TCF4: variants seen among roughly 807,000 people sequenced by gnomAD.
TCF4 encodes SL3-3 enhancer factor 2.
A neutral mutation model predicts 82.1 loss-of-function variants in TCF4; 3 were observed. That is an observed-to-expected ratio of 0.04 (90% CI 0.02 to 0.09). The LOEUF (loss-of-function observed/expected upper bound fraction) is 0.09. Ranked by LOEUF, TCF4 falls within the 10% of genes least tolerant of loss-of-function variation. The probability of loss-of-function intolerance (pLI) is 1.00; values close to 1 mark genes in which losing one functional copy is unlikely to be tolerated. For missense variants in TCF4, 518 were observed against 852.7 expected (o/e 0.61, Z 4.89); for synonymous variants, 276 against 309.6 (o/e 0.89, Z 1.14).
At chr18:55,387,111 AG>A (rs1347234215) in intron 6 of TCF4, among the ~76,000 whole-genome samples, 2 of 152,228 alleles carry the variant, frequency 1.3e-5, no homozygotes, top group Non-Finnish European at 2.9e-5. Context: ...ACCCTTTGAA[AG>A]TCAAAGGGTA....
intron 8 of TCF4, among the ~76,000 whole-genome samples, chr18:55,319,703 C>A (rs1469516909): frequency 1.3e-5 from 2 of 151,452 alleles, no homozygotes; most frequent in Non-Finnish European, 2.9e-5. Context: ...ATCTAACAAC[C>A]AAAATATTTG....
chr18:55,525,058 C>T (rs1219235062), intron 3 of TCF4, among the ~76,000 whole-genome samples: 2 of 152,062 alleles, frequency 1.3e-5, no homozygotes, highest in Admixed American at 1.3e-4. Flanking sequence ...AGCTACCCAC[C>T]ATATCCCCTT....
intron 2 of TCF4, among the ~76,000 whole-genome samples, chr18:55,606,231 G>A (rs1053198459): frequency 2.0e-5 from 3 of 152,182 alleles, no homozygotes; most frequent in Non-Finnish European, 4.4e-5. Context: ...GATGAGAGAA[G>A]ATGAGAGTAA....
chr18:55,514,647 T>C (rs2096863237), intron 3 of TCF4, among the ~76,000 whole-genome samples: 2 of 152,204 alleles, frequency 1.3e-5, no homozygotes, highest in African/African-American at 4.8e-5. Context: ...TTAAAGCCTC[T>C]TCCAAGGTGA....
intron 6 of TCF4, among the ~76,000 whole-genome samples, chr18:55,395,797 G>A (rs1157394356): frequency 6.6e-6 from 1 of 152,166 alleles, no homozygotes; most frequent in African/African-American, 2.4e-5. Flanking sequence ...TTAAGAAAGT[G>A]TTCACGCTGT....
At chr18:55,529,912 A>T (rs1258110266) in intron 3 of TCF4, among the ~76,000 whole-genome samples, 1 of 152,124 alleles carries the variant, frequency 6.6e-6, no homozygotes, top group Non-Finnish European at 1.5e-5. Flanking sequence ...CACATGTCCT[A>T]GAACTCAGAC....
intron 1 of TCF4, among the ~76,000 whole-genome samples, chr18:55,632,530 A>G (rs2097732603): frequency 6.6e-6 from 1 of 152,226 alleles, no homozygotes; most frequent in African/African-American, 2.4e-5. Flanking sequence ...GATGAATAAA[A>G]GCAAACCCAG....
chr18:55,269,786 C>CT, intron 11 of TCF4, 45 bp downstream of exon 11: 1 of 1,612,098 alleles, frequency 6.2e-7, no homozygotes, highest in Non-Finnish European at 8.5e-7. Context: ...TGATTAAACT[C>CT]TGACACCAAT....
chr18:55,407,189 C>T (rs1045305400), intron 5 of TCF4, among the ~76,000 whole-genome samples: 2 of 151,972 alleles, frequency 1.3e-5, no homozygotes, highest in African/African-American at 4.8e-5. Context: ...CTGCTGGTGA[C>T]GATTTGCCGT....
intron 13 of TCF4, among the ~76,000 whole-genome samples, chr18:55,258,387 C>T (rs2057348517): frequency 6.6e-6 from 1 of 152,118 alleles, no homozygotes; most frequent in South Asian, 2.1e-4. Context: ...GTTTCTGTGC[C>T]TTTCACTGAG....
intron 8 of TCF4, among the ~76,000 whole-genome samples, chr18:55,292,677 A>T (rs1217444521): frequency 6.9e-6 from 1 of 145,782 alleles, no homozygotes; most frequent in Admixed American, 6.8e-5. Flanking sequence ...GGAACTTCCT[A>T]ATCTATAAAT....
chr18:55,232,378 A>G (rs1003242045), intron 17 of TCF4, 131 bp downstream of exon 17: 1 of 930,198 alleles, frequency 1.1e-6, no homozygotes, highest in Non-Finnish European at 1.7e-6. Context: ...CTTCTAGAGT[A>G]GGCCTTTAAT....
At chr18:55,374,473 A>G (rs1196822350) in intron 6 of TCF4, among the ~76,000 whole-genome samples, 1 of 152,160 alleles carries the variant, frequency 6.6e-6, no homozygotes, top group Non-Finnish European at 1.5e-5. Flanking sequence ...TTTTTAAAAC[A>G]AGAGAAAGTA....
At chr18:55,539,711 G>C (rs2097148694) in intron 3 of TCF4, among the ~76,000 whole-genome samples, 1 of 152,054 alleles carries the variant, frequency 6.6e-6, no homozygotes, top group African/African-American at 2.4e-5. Flanking sequence ...TTTTTTAAAT[G>C]ATCATATTTA....
chr18:55,238,366 TATTC>T (rs2050176657), intron 15 of TCF4, among the ~76,000 whole-genome samples: 1 of 152,196 alleles, frequency 6.6e-6, no homozygotes, highest in African/African-American at 2.4e-5. Context: ...ATTCAATGAT[TATTC>T]ATTGATTGAT....
At chr18:55,228,128 A>T in intron 19 of TCF4, 93 bp downstream of exon 19, 1 of 1,501,292 alleles carries the variant, frequency 6.7e-7, no homozygotes, top group African/African-American at 1.4e-5. Context: ...GAAAGAAAAT[A>T]TCTGTCAATT....
At chr18:55,578,411 G>GA (rs1403391244) in intron 3 of TCF4, among the ~76,000 whole-genome samples, 1 of 152,050 alleles carries the variant, frequency 6.6e-6, no homozygotes, top group Non-Finnish European at 1.5e-5. Flanking sequence ...TTGGGCAAAA[G>GA]ACTTTTAACC....
At chr18:55,423,772 C>A (rs764254374) in intron 5 of TCF4, among the ~76,000 whole-genome samples, 1 of 152,118 alleles carries the variant, frequency 6.6e-6, no homozygotes, top group Middle Eastern at 3.4e-3. Context: ...CTCCTCAGCT[C>A]CCCCCGGACC....
Position 55,434,047 on chromosome 18 carries a change from C to T in TCF4, c.304+26972G>A, listed in dbSNP as rs571534219. ...GATTGCCAGAGTAAAACAATTTTTT[C>T]AAATGCTTGTCATACACAAAATAGT... On this transcript the variant is annotated intron_variant, in intron 5 of 19. Coordinates refer to ENST00000354452, the MANE Select transcript of TCF4 (RefSeq NM_001083962.2). Among the ~76,000 whole-genome samples, 3 of 152,202 alleles carry T rather than the reference C, an allele frequency of 2.0e-5. No individual in the cohort carries two copies. In the East Asian group the frequency reaches 5.8e-4, roughly 29 times the overall value.
Sources: allele counts gnomAD v4.1 joint callset (sites outside exome capture counted in the v4.1 genomes callset), GRCh38; gene constraint gnomAD v4.1.1; transcripts MANE v1.5; gene names NCBI Gene and HGNC (gene_info 2026-07-23, HGNC 2026-07-21).